BANP: variants seen among roughly 807,000 people sequenced by gnomAD.
BANP encodes the protein BTG3 associated nuclear protein, also known as protein BANP.
A neutral mutation model predicts 68.1 loss-of-function variants in BANP; 11 were observed. The ratio of observed to expected loss-of-function variants is 0.16; its 90% CI spans 0.10 to 0.27. The LOEUF (loss-of-function observed/expected upper bound fraction) is 0.27, where lower values mean the gene tolerates loss of function less well. Among genes scored for constraint, BANP ranks in the 10% least tolerant of loss-of-function variants. The pLI, the probability that BANP is intolerant of heterozygous loss-of-function variation, is 1.00. For missense variants in BANP, 504 were observed against 722.7 expected, an observed-to-expected ratio of 0.70 and a Z score of 3.47; for synonymous variants, 329 against 303.2, an observed-to-expected ratio of 1.09 and a Z score of -0.88.
In BANP at chr16:88,039,353, G is replaced by A. The variant is rs529204289; in HGVS notation, c.1311+1342G>A. Among the ~76,000 whole-genome samples, 57 of 143,118 alleles carry A rather than the reference G, an allele frequency of 4.0e-4. 5 individuals carry two copies. Among genetic ancestry groups the A allele is most frequent in the Non-Finnish European group, 6.0e-4 (38 of 63,174 alleles). The allele number at this position is 143,118 out of a possible 152,430, so 93.9% of individuals were successfully genotyped here. A position where few individuals can be genotyped will look rare whatever the true frequency, so the allele number is the denominator to read the frequency against. On this transcript the variant is annotated intron_variant, in intron 11 of 13. Coordinates refer to ENST00000682872, the MANE Select transcript of BANP (RefSeq NM_001386991.1). ...GGCGCAGTGCAGGTCAGTTCTCCGC[G>A]CCTTTGTCCCGTGGTTCTCACGGTC... is the stretch of plus-strand genomic sequence containing the variant.
intron 10 of BANP, among the ~76,000 whole-genome samples, chr16:88,035,793 C>G (rs556465577): frequency 6.6e-6 from 1 of 152,326 alleles, no homozygotes; most frequent in South Asian, 2.1e-4. Context: ...CCATGTGGCC[C>G]CAGCTTCCTA....
intron 1 of BANP, among the ~76,000 whole-genome samples, chr16:87,965,987 G>C (rs890897310): frequency 6.6e-6 from 1 of 152,178 alleles, no homozygotes; most frequent in Non-Finnish European, 1.5e-5. Flanking sequence ...CAACTGTCTT[G>C]GATGTGTTGG....
At chr16:88,016,905 C>G (rs1402260659) in intron 6 of BANP, among the ~76,000 whole-genome samples, 2 of 152,234 alleles carry the variant, frequency 1.3e-5, no homozygotes, top group African/African-American at 4.8e-5. Context: ...CTATCCTTAG[C>G]TACAGCCAAG....
intron 8 of BANP, among the ~76,000 whole-genome samples, chr16:88,030,239 G>A (rs1457037351): frequency 6.6e-6 from 1 of 152,150 alleles, no homozygotes; most frequent in Non-Finnish European, 1.5e-5. Context: ...TGTGACCTAT[G>A]ATCAGAAAAT....
chr16:88,046,127 C>T (rs930027330), intron 11 of BANP, among the ~76,000 whole-genome samples: 1 of 152,242 alleles, frequency 6.6e-6, no homozygotes, highest in African/African-American at 2.4e-5. Flanking sequence ...TTACCCTGTG[C>T]ACATACGAGG....
At chr16:87,999,334 G>A (rs571085571) in intron 4 of BANP, among the ~76,000 whole-genome samples, 5 of 144,774 alleles carry the variant, frequency 3.5e-5, no homozygotes, top group Non-Finnish European at 7.6e-5. Context: ...CTCCATGCAC[G>A]CACATGCGCG....
chr16:88,052,887 C>T (rs1318342278), intron 11 of BANP, among the ~76,000 whole-genome samples: 1 of 151,634 alleles, frequency 6.6e-6, no homozygotes, highest in Non-Finnish European at 1.5e-5. Flanking sequence ...CCACCACCTT[C>T]TTCACTATCA....
chr16:87,963,292 T>A (rs1352145715), intron 1 of BANP: 1 of 152,270 alleles, frequency 6.6e-6, no homozygotes, highest in African/African-American at 2.4e-5. Context: ...TTCTGGGCGT[T>A]CCCCACCCTC....
chr16:88,033,481 T>C (rs2078646194), intron 9 of BANP, among the ~76,000 whole-genome samples: 1 of 152,128 alleles, frequency 6.6e-6, no homozygotes, highest in Non-Finnish European at 1.5e-5. Flanking sequence ...GGGTGGGGCA[T>C]TCAGTCAGCT....
At chr16:88,033,511 G>C (rs1362633194) in intron 9 of BANP, among the ~76,000 whole-genome samples, 1 of 152,240 alleles carries the variant, frequency 6.6e-6, no homozygotes, top group African/African-American at 2.4e-5. Flanking sequence ...CCTGCCAGCA[G>C]GCAGGCGGGC....
In BANP at chr16:88,071,850, A is replaced by G; in HGVS notation, c.1378-219A>G. 1.4e-6 allele frequency: 1 copy of G among 710,896 alleles called. No homozygotes were observed. Among genetic ancestry groups the G allele is most frequent in the Non-Finnish European group, 2.5e-6 (1 of 394,696 alleles). 44.0% of individuals were successfully genotyped at this position (710,896 alleles called of 1,614,324 possible). A position where few individuals can be genotyped will look rare whatever the true frequency, so the allele number is the denominator to read the frequency against. ...TTGAGGGCGGAGTTGCAGATCCAGC[A>G]GAGACTCGATGGCACTCTCTCACTG... On this transcript the variant is annotated intron_variant, in intron 12 of 13. Transcript: ENST00000682872. This position sits in a 1 kb window ranked among gnomAD's most constrained non-coding sequence, Gnocchi z 6.5.
At chr16:88,043,801 C>T (rs1327927613) in intron 11 of BANP, among the ~76,000 whole-genome samples, 1 of 151,980 alleles carries the variant, frequency 6.6e-6, no homozygotes, top group African/African-American at 2.4e-5. Flanking sequence ...AATTTATTGT[C>T]TAAGGAATTT....
intron 11 of BANP, among the ~76,000 whole-genome samples, chr16:88,059,723 G>A (rs1163088005): frequency 2.0e-5 from 3 of 152,190 alleles, no homozygotes; most frequent in African/African-American, 4.8e-5. Flanking sequence ...CGACGGAGAC[G>A]TGTGCTACTC....
chr16:88,021,034 G>T (rs2075938523), intron 7 of BANP, among the ~76,000 whole-genome samples: 1 of 152,190 alleles, frequency 6.6e-6, no homozygotes, highest in Non-Finnish European at 1.5e-5. Context: ...GCTATGAGTT[G>T]ACCTTCTCTG....
At position 87,976,600 on chromosome 16, in the gene BANP, G is replaced by A. The variant is rs1369787576; in HGVS notation, c.70+1415G>A. On this transcript the variant is annotated intron_variant, in intron 2 of 13. Transcript: ENST00000682872. Reference sequence around the variant, plus strand: ...CCTGGTTATTCTTTCAGGAATGTTTGAATTGAAATGCTCACAATTTATTCC... The same window carrying A: ...CCTGGTTATTCTTTCAGGAATGTTTAAATTGAAATGCTCACAATTTATTCC... 3.3e-5 allele frequency among the ~76,000 whole-genome samples: 5 copies of A among 151,022 alleles called. No homozygotes were observed. In the South Asian group the frequency reaches 6.3e-4, roughly 19 times the overall value.
intron 12 of BANP, among the ~76,000 whole-genome samples, chr16:88,067,388 C>T (rs1378249154): frequency 1.3e-5 from 2 of 152,112 alleles, no homozygotes; most frequent in African/African-American, 2.4e-5. Context: ...GCGCCGGGGC[C>T]TCCCTCAGGG....
chr16:87,967,981 C>T (rs11643657), intron 1 of BANP, among the ~76,000 whole-genome samples: 94,299 of 148,308 alleles, frequency 0.64, 30,045 homozygotes, highest in African/African-American at 0.68. Flanking sequence ...CTCGAACTCC[C>T]GACCTCAGGT....
intron 1 of BANP, chr16:87,952,257 T>A (rs2057084545): frequency 1.3e-5 from 2 of 152,234 alleles, no homozygotes; most frequent in South Asian, 4.1e-4. Flanking sequence ...GGACTGATGT[T>A]TTTCACTGAT....
Position 87,975,092 on chromosome 16 carries a change from G to C in BANP, c.-24G>C. 6.3e-7 allele frequency: 1 copy of C among 1,590,128 alleles called. No homozygotes were observed. Among genetic ancestry groups the C allele is most frequent in the East Asian group, 2.2e-5 (1 of 44,832 alleles). ...ACTGTGAGTTGAACTCTTTCGTGTT[G>C]ACCGGCCACTCTCCGTGCTCTGGAT... On this transcript the variant is annotated 5_prime_UTR_variant, in exon 2 of 14. Transcript: ENST00000682872.
Sources: gnomAD v4.1 joint callset for allele counts (sites outside exome capture counted in the v4.1 genomes callset) on GRCh38, gnomAD v4.1.1 for gene constraint, Gnocchi (gnomAD v3.1) non-coding constraint, MANE v1.5 for transcripts, NCBI Gene and HGNC (gene_info 2026-07-23, HGNC 2026-07-21) for gene names.